The following ZFHX3 variants were observed in gnomAD, a reference collection of about 807,000 sequenced individuals.
The protein encoded by ZFHX3 is zinc finger homeobox protein 3.
ZFHX3 carries 42 observed loss-of-function variants against 279.1 expected under a neutral mutation model. The observed-to-expected ratio is 0.15, with a 90% CI of 0.12 to 0.19. The LOEUF is 0.19. Among genes scored for constraint, ZFHX3 ranks in the 10% least tolerant of loss-of-function variants. ZFHX3 has a pLI of 1.00. For missense variants in ZFHX3, 4,981 were observed against 4,754.0 expected (o/e 1.05, Z -1.40); for synonymous variants, 2,293 against 1,957.8 (o/e 1.17, Z -4.52).
chr16:72,995,470 A>C (rs1438807822), intron 1 of ZFHX3, among the ~76,000 whole-genome samples: 1 of 152,212 alleles, frequency 6.6e-6, no homozygotes, highest in African/African-American at 2.4e-5. Context: ...AAAGGAAATT[A>C]AACCGCTGGC....
chr16:73,313,098 A>G (rs2015363821), intron 4 of ZFHX3, among the ~76,000 whole-genome samples: 1 of 152,064 alleles, frequency 6.6e-6, no homozygotes, highest in African/African-American at 2.4e-5. Flanking sequence ...CATGATAGCG[A>G]GTTGTCCCGA....
At chr16:73,742,351 G>A (rs951737842) in intron 1 of ZFHX3, among the ~76,000 whole-genome samples, 9 of 152,268 alleles carry the variant, frequency 5.9e-5, no homozygotes, top group South Asian at 2.1e-4. Flanking sequence ...TTTGAAGAGG[G>A]TGTGTGGGTA....
chr16:73,542,140 G>C lies in ZFHX3; in HGVS notation c.-1546-85882C>G, dbSNP rs923295424. Among the ~76,000 whole-genome samples, 3 of 152,156 alleles carry C rather than the reference G, an allele frequency of 2.0e-5. No individual in the cohort carries two copies. In the South Asian group the frequency reaches 6.2e-4, roughly 32 times the overall value. On this transcript the variant is annotated intron_variant, in intron 2 of 17. Transcript: ENST00000641206. ...TTTAGCTTAATGTGGTGACAACACAGCTCCCTTAGTGATGTCAAATCCCTT... is the reference window on the plus strand; with the variant it reads ...TTTAGCTTAATGTGGTGACAACACACCTCCCTTAGTGATGTCAAATCCCTT...
At chr16:73,454,233 C>T (rs1006617817) in intron 3 of ZFHX3, among the ~76,000 whole-genome samples, 4 of 152,148 alleles carry the variant, frequency 2.6e-5, no homozygotes, top group African/African-American at 9.7e-5. Context: ...TAAGAGTCTA[C>T]AGTATGCACC....
chr16:73,784,994 C>A (rs962138030), intron 1 of ZFHX3, among the ~76,000 whole-genome samples: 1 of 151,880 alleles, frequency 6.6e-6, no homozygotes. Flanking sequence ...ATGTTTCTAA[C>A]TAATCTGTGT....
intron 5 of ZFHX3, chr16:73,233,911 G>A (rs2012859162): frequency 6.6e-6 from 1 of 152,126 alleles, no homozygotes; most frequent in Admixed American, 6.6e-5. Context: ...CAAGTTTCCT[G>A]AGCAGGAGAA....
chr16:73,761,684 T>C (rs777974275), intron 1 of ZFHX3, among the ~76,000 whole-genome samples: 2 of 152,036 alleles, frequency 1.3e-5, no homozygotes, highest in Non-Finnish European at 2.9e-5. Flanking sequence ...AGACTGCACA[T>C]CTGCAACCAT....
chr16:73,301,775 T>C (rs1264501239), intron 4 of ZFHX3, among the ~76,000 whole-genome samples: 2 of 150,806 alleles, frequency 1.3e-5, no homozygotes, highest in African/African-American at 4.9e-5. Flanking sequence ...TTTTTTTTTG[T>C]GACAAGCACT....
intron 1 of ZFHX3, among the ~76,000 whole-genome samples, chr16:73,712,173 G>C (rs574691030): frequency 6.6e-6 from 1 of 152,002 alleles, no homozygotes; most frequent in Admixed American, 6.5e-5. Context: ...CAGCTTTGTC[G>C]CCACCAAGTT....
intron 1 of ZFHX3, among the ~76,000 whole-genome samples, chr16:73,723,084 CA>C (rs1315998541): frequency 1.3e-5 from 2 of 152,090 alleles, no homozygotes; most frequent in African/African-American, 4.8e-5. Context: ...TCCATTTTAC[CA>C]AAGTGGCTCA....
At position 73,575,656 on chromosome 16, in the gene ZFHX3, C is replaced by T. The variant is rs114457965; in HGVS notation, c.-1547+104524G>A. The stretch of plus-strand genomic sequence containing the variant: ...GATTTTCAGGGGGAGAAAATCTGTG[C>T]TCCTTCTTCTTCCATCTCTATTTGT... On this transcript the variant is annotated intron_variant, in intron 2 of 17. Coordinates refer to the ZFHX3 transcript ENST00000641206. Among the ~76,000 whole-genome samples, 1,496 of 152,204 alleles carry T rather than the reference C, an allele frequency of 9.8e-3. 21 individuals carry two copies. The highest frequency in any genetic ancestry group is 0.034 in the African/African-American group (1,411 of 41,536).
chr16:73,637,473 T>A lies in ZFHX3; in HGVS notation c.-1547+42707A>T, dbSNP rs150668344. Among the ~76,000 whole-genome samples, 282 of 152,204 alleles carry A rather than the reference T, an allele frequency of 1.9e-3. 2 individuals are homozygous for A. Among genetic ancestry groups the A allele is most frequent in the Middle Eastern group, 6.8e-3 (2 of 294 alleles). On this transcript the variant is annotated intron_variant, in intron 2 of 17. Coordinates refer to the ZFHX3 transcript ENST00000641206. ...GTCTTGAACTCCTGACCTCGGGTGA[T>A]CCACCCACCTCAGCCTCCCAAAGTG...
chr16:73,638,229 T>G (rs963725743), intron 2 of ZFHX3, among the ~76,000 whole-genome samples: 3 of 152,248 alleles, frequency 2.0e-5, no homozygotes, highest in African/African-American at 7.2e-5. Context: ...AGTTTAATTT[T>G]AATTGTTCTC....
chr16:73,390,980 A>T (rs894426673), intron 3 of ZFHX3, among the ~76,000 whole-genome samples: 20 of 146,836 alleles, frequency 1.4e-4, no homozygotes, highest in African/African-American at 5.0e-4. Context: ...CCCAGAAGCT[A>T]TTTTTTTTTT....
rs535288776 is a variant in ZFHX3 at position 73,349,586 on chromosome 16, C to T, written c.-1290-31250G>A. The stretch of plus-strand genomic sequence containing the variant: ...AAGCTTGGGTAGAGAGCTTGTCTAT[C>T]GCTTTACCTCTCTCTCTCCCTTACT... On this transcript the variant is annotated intron_variant, in intron 3 of 17. Coordinates refer to the ZFHX3 transcript ENST00000641206. 7.7e-4 allele frequency among the ~76,000 whole-genome samples: 116 copies of T among 151,576 alleles called. 1 individual carries two copies. The highest frequency in any genetic ancestry group is 7.1e-3 in the South Asian group (34 of 4,768).
At chr16:73,603,087 C>T (rs1216359898) in intron 2 of ZFHX3, among the ~76,000 whole-genome samples, 1 of 151,914 alleles carries the variant, frequency 6.6e-6, no homozygotes, top group Non-Finnish European at 1.5e-5. Flanking sequence ...AGATAGAGAC[C>T]ATCCTGGCTA....
rs1300714003 is a variant in ZFHX3, at chr16:73,481,630, GTTTGTTTGTTTGTTTGTT to G, written c.-1546-25390_-1546-25373del. 8.3e-3 allele frequency among the ~76,000 whole-genome samples: 1,192 copies of G among 144,072 alleles called. 12 individuals are homozygous for G. The highest frequency in any genetic ancestry group is 0.031 in the African/African-American group (1,140 of 37,166). The allele number at this position is 144,072 out of a possible 152,430, so 94.5% of individuals were successfully genotyped here. ...TGCGTGGTGTTGTTTTTTTGTTGTT[GTTTGTTTGTTTGTTTGTT>G]TTTGTTTGTTTGTTTGTTTGTTTTT... On this transcript the variant is annotated intron_variant, in intron 2 of 17. Coordinates refer to the ZFHX3 transcript ENST00000641206.
intron 5 of ZFHX3, among the ~76,000 whole-genome samples, chr16:73,180,424 T>C (rs937008215): frequency 1.3e-5 from 2 of 152,192 alleles, no homozygotes; most frequent in Non-Finnish European, 2.9e-5. Flanking sequence ...ATACTCTACC[T>C]GCCAGCAGAG....
At chr16:73,628,719 T>C (rs1020385192) in intron 2 of ZFHX3, among the ~76,000 whole-genome samples, 3 of 152,216 alleles carry the variant, frequency 2.0e-5, no homozygotes, top group Non-Finnish European at 4.4e-5. Context: ...CTCCCCTATT[T>C]CTTTCCATTG....
Sources: gnomAD v4.1 joint callset for allele counts (sites outside exome capture counted in the v4.1 genomes callset) on GRCh38, gnomAD v4.1.1 for gene constraint, MANE v1.5 for transcripts, NCBI Gene and HGNC (gene_info 2026-07-23, HGNC 2026-07-21) for gene names.